The following MYO16 variants were observed in gnomAD, a reference collection of about 807,000 sequenced individuals.
The protein encoded by MYO16 is myosin XVI.
Under a neutral mutation model 205.3 loss-of-function variants are expected in MYO16, and 94 were observed. The ratio of observed to expected loss-of-function variants is 0.46; its 90% CI spans 0.39 to 0.54. The LOEUF (loss-of-function observed/expected upper bound fraction) is 0.54. Ranked by LOEUF, MYO16 falls within the 20% of genes least tolerant of loss-of-function variation. The probability of loss-of-function intolerance (pLI) is 0.00; values close to 1 mark genes in which losing one functional copy is unlikely to be tolerated. For synonymous variants in MYO16, 988 were observed against 954.0 expected (o/e 1.04, Z -0.66); for missense variants, 2,315 against 2,387.5 (o/e 0.97, Z 0.63).
At chr13:108,502,421 G>A in the MYO16 span, among the ~76,000 whole-genome samples, 1 of 152,040 alleles carries the variant, frequency 6.6e-6, no homozygotes, top group Non-Finnish European at 1.5e-5. Context: ...AAGTCATTCT[G>A]GGTATTTTTG....
intron 1 of MYO16, among the ~76,000 whole-genome samples, chr13:108,620,201 G>T (rs1411073646): frequency 6.6e-6 from 1 of 152,088 alleles, no homozygotes; most frequent in East Asian, 1.9e-4. Context: ...CTTTTTAATT[G>T]TTTGCTATAT....
At chr13:109,097,277 C>T (rs1359440981) in intron 27 of MYO16, among the ~76,000 whole-genome samples, 1 of 151,844 alleles carries the variant, frequency 6.6e-6, no homozygotes, top group East Asian at 1.9e-4. Flanking sequence ...TGCGGTCAGC[C>T]GAGATCACAC....
intron 3 of MYO16, among the ~76,000 whole-genome samples, chr13:108,719,632 A>C (rs1459030669): frequency 6.6e-6 from 1 of 152,122 alleles, no homozygotes; most frequent in Non-Finnish European, 1.5e-5. Context: ...CGTTTAACTA[A>C]CAGATATATG....
At chr13:108,815,812 G>C (rs187247746) in intron 7 of MYO16, among the ~76,000 whole-genome samples, 1 of 152,230 alleles carries the variant, frequency 6.6e-6, no homozygotes, top group South Asian at 2.1e-4. Flanking sequence ...GGAATGCAAA[G>C]TACCTATAAT....
chr13:108,896,956 A>G (rs1386188868), intron 14 of MYO16, among the ~76,000 whole-genome samples: 1 of 152,096 alleles, frequency 6.6e-6, no homozygotes, highest in Non-Finnish European at 1.5e-5. Flanking sequence ...AGATCACATC[A>G]CTGCACTCCA....
chr13:109,013,464 C>G (rs1443776050), intron 22 of MYO16, among the ~76,000 whole-genome samples: 1 of 152,122 alleles, frequency 6.6e-6, no homozygotes, highest in Non-Finnish European at 1.5e-5. Context: ...GGTTTATAAT[C>G]CTTTGGGTAT....
chr13:108,820,483 A>G, intron 8 of MYO16, 71 bp downstream of exon 8: 1 of 1,270,972 alleles, frequency 7.9e-7, no homozygotes, highest in Non-Finnish European at 1.1e-6. Context: ...GTAGCCATCC[A>G]TCTTCAGCAC....
At chr13:108,835,141 C>A (rs1423600837) in intron 9 of MYO16, among the ~76,000 whole-genome samples, 1 of 151,992 alleles carries the variant, frequency 6.6e-6, no homozygotes, top group East Asian at 1.9e-4. Flanking sequence ...TGTGTCCCCA[C>A]CCAAATCTCA....
intron 20 of MYO16, among the ~76,000 whole-genome samples, chr13:108,985,953 A>AAAAGAGGTTT (rs1176838377): frequency 1.3e-5 from 2 of 152,154 alleles, no homozygotes; most frequent in Non-Finnish European, 2.9e-5. Context: ...TTTATTAAGA[A>AAAAGAGGTTT]AAAGAGGTTT....
intron 3 of MYO16, among the ~76,000 whole-genome samples, chr13:108,723,553 G>C (rs1884238425): frequency 6.6e-6 from 1 of 152,056 alleles, no homozygotes; most frequent in Admixed American, 6.5e-5. Flanking sequence ...GTACCCAATT[G>C]TTTCAGTATA....
chr13:109,021,211 T>C (rs1886012533), intron 23 of MYO16, among the ~76,000 whole-genome samples: 1 of 152,112 alleles, frequency 6.6e-6, no homozygotes, highest in Non-Finnish European at 1.5e-5. Flanking sequence ...AAAATAATCA[T>C]TGGGAGACTC....
intron 8 of MYO16, among the ~76,000 whole-genome samples, chr13:108,822,105 C>T (rs552514069): frequency 1.3e-5 from 2 of 152,052 alleles, no homozygotes; most frequent in Non-Finnish European, 2.9e-5. Flanking sequence ...TATAACTGAG[C>T]AAATGAAAGT....
chr13:108,528,243 C>A, the MYO16 span, among the ~76,000 whole-genome samples: 1 of 151,996 alleles, frequency 6.6e-6, no homozygotes, highest in African/African-American at 2.4e-5. Context: ...CATTTTAAAC[C>A]AAAGCATTGT....
At chr13:108,667,606 C>T (rs1881797710) in intron 2 of MYO16, among the ~76,000 whole-genome samples, 1 of 152,122 alleles carries the variant, frequency 6.6e-6, no homozygotes, top group Admixed American at 6.5e-5. Context: ...CCCTCCTGCC[C>T]ATCTCATACC....
chr13:108,858,099 T>C (rs1053254362), intron 11 of MYO16, among the ~76,000 whole-genome samples: 11 of 152,202 alleles, frequency 7.2e-5, no homozygotes, highest in Non-Finnish European at 1.6e-4. Context: ...TGCTTCCCAA[T>C]GTGTTGTCTG....
chr13:108,907,798 A>G (rs1289515768), intron 15 of MYO16, among the ~76,000 whole-genome samples: 2 of 152,150 alleles, frequency 1.3e-5, no homozygotes, highest in Non-Finnish European at 2.9e-5. Flanking sequence ...GTGGAATTTG[A>G]TTAGTTTTGA....
intron 34 of MYO16, among the ~76,000 whole-genome samples, chr13:109,206,392 C>G (rs1880598613): frequency 6.6e-6 from 1 of 152,166 alleles, no homozygotes; most frequent in Non-Finnish European, 1.5e-5. Flanking sequence ...CTACCTAGTT[C>G]CCAATGTTTT....
chr13:109,180,080 T>G (rs1879393105), intron 34 of MYO16, among the ~76,000 whole-genome samples: 1 of 152,166 alleles, frequency 6.6e-6, no homozygotes, highest in African/African-American at 2.4e-5. Context: ...TTCATTTCCA[T>G]GTAATTCACA....
At chr13:108,941,465 T>A (rs1882717617) in intron 16 of MYO16, among the ~76,000 whole-genome samples, 2 of 151,902 alleles carry the variant, frequency 1.3e-5, no homozygotes, top group African/African-American at 4.8e-5. Context: ...CCATTTGAGG[T>A]CAGGAGTTCA....
Sources: allele counts gnomAD v4.1 joint callset (sites outside exome capture counted in the v4.1 genomes callset), GRCh38; gene constraint gnomAD v4.1.1; transcripts MANE v1.5; gene names NCBI Gene and HGNC (gene_info 2026-07-23, HGNC 2026-07-21).